Variants in SOX6 observed in about 807,000 individuals in gnomAD.
SOX6 encodes transcription factor SOX-6.
Under a neutral mutation model 97.8 loss-of-function variants are expected in SOX6, and 11 were observed. The observed-to-expected ratio is 0.11, with a 90% CI of 0.07 to 0.19. SOX6 has a LOEUF of 0.19. SOX6 is among the 10% of genes least tolerant of loss of function. The pLI is 1.00. For synonymous variants in SOX6, 360 were observed against 371.4 expected (o/e 0.97, Z 0.35); for missense variants, 810 against 1,039.5 (o/e 0.78, Z 3.04).
At chr11:16,293,371 T>C (rs1350705569) in intron 3 of SOX6, among the ~76,000 whole-genome samples, 1 of 152,188 alleles carries the variant, frequency 6.6e-6, no homozygotes, top group Non-Finnish European at 1.5e-5. Context: ...AGAAAAGGCT[T>C]TGTTATTTAT....
intron 1 of SOX6, among the ~76,000 whole-genome samples, chr11:16,460,909 C>T (rs1158837057): frequency 6.6e-6 from 1 of 152,162 alleles, no homozygotes; most frequent in Non-Finnish European, 1.5e-5. Context: ...GCCCTGCCTA[C>T]ACACTTTAGG....
chr11:16,202,399 C>T (rs749153890), intron 4 of SOX6, among the ~76,000 whole-genome samples: 1 of 152,058 alleles, frequency 6.6e-6, no homozygotes, highest in Admixed American at 6.5e-5. Flanking sequence ...GAAAACTCAA[C>T]CAAATTTCTG....
intron 6 of SOX6, among the ~76,000 whole-genome samples, chr11:16,140,784 T>C (rs1356160811): frequency 6.6e-6 from 1 of 152,246 alleles, no homozygotes; most frequent in African/African-American, 2.4e-5. Flanking sequence ...GCCTTCAGTG[T>C]TATGTTCTGC....
chr11:16,474,569 A>T (rs1860201757), intron 1 of SOX6, among the ~76,000 whole-genome samples: 2 of 152,184 alleles, frequency 1.3e-5, no homozygotes, highest in African/African-American at 4.8e-5. Flanking sequence ...GAGAAATAAC[A>T]TCTCTAAGGG....
At chr11:16,074,656 G>A (rs907548700) in intron 9 of SOX6, among the ~76,000 whole-genome samples, 14 of 152,142 alleles carry the variant, frequency 9.2e-5, no homozygotes, top group Admixed American at 7.2e-4. Flanking sequence ...ACTAACCAGG[G>A]AGGGGGAAGA....
At chr11:16,368,297 C>T (rs187510821) in intron 1 of SOX6, among the ~76,000 whole-genome samples, 39 of 152,238 alleles carry the variant, frequency 2.6e-4, no homozygotes, top group African/African-American at 7.2e-4. Flanking sequence ...GCCTAGCCAA[C>T]ATAGTAAAAC....
intron 3 of SOX6, among the ~76,000 whole-genome samples, chr11:16,712,840 A>T (rs1848191796): frequency 6.6e-6 from 1 of 152,224 alleles, no homozygotes; most frequent in African/African-American, 2.4e-5. Context: ...AATTAGTTCA[A>T]TTATTTATAC....
At position 16,501,446 on chromosome 11, in the gene SOX6, C is replaced by T. The variant is rs1860707730; in HGVS notation, n.610-25058G>A. ...CACCAAATGCAATGGCAACAAAAGCCAAAATTGACAAATGGGATCTAATTA... is the reference window on the plus strand; with the variant it reads ...CACCAAATGCAATGGCAACAAAAGCTAAAATTGACAAATGGGATCTAATTA... On this transcript the variant is annotated intron_variant and non_coding_transcript_variant, in intron 4 of 5. Coordinates refer to the SOX6 transcript ENST00000524520. 3.3e-5 allele frequency among the ~76,000 whole-genome samples: 5 copies of T among 152,074 alleles called. No homozygotes were observed. The South Asian group carries it at 1.0e-3, about 32-fold the overall frequency.
chr11:16,162,799 T>C (rs1850786556), intron 6 of SOX6, among the ~76,000 whole-genome samples: 2 of 152,156 alleles, frequency 1.3e-5, no homozygotes, highest in African/African-American at 4.8e-5. Flanking sequence ...TTGGTTTTCT[T>C]AAGTGTAAAA....
At chr11:16,446,040 CA>C (rs1565148601) in intron 1 of SOX6, among the ~76,000 whole-genome samples, 1 of 151,878 alleles carries the variant, frequency 6.6e-6, no homozygotes, top group Non-Finnish European at 1.5e-5. Context: ...GACAGAGATG[CA>C]AAAAGGCAGA....
chr11:16,692,084 TGTGTGC>T (rs937984017), intron 3 of SOX6, among the ~76,000 whole-genome samples: 22 of 127,870 alleles, frequency 1.7e-4, no homozygotes, highest in African/African-American at 4.2e-4. Flanking sequence ...TGTGTGTGTG[TGTGTGC>T]GCGCGCGCGC....
intron 4 of SOX6, among the ~76,000 whole-genome samples, chr11:16,602,671 T>G (rs1031501651): frequency 1.2e-4 from 19 of 152,174 alleles, no homozygotes; most frequent in African/African-American, 4.6e-4. Context: ...CAAATGCAAC[T>G]TAATAAACCG....
At chr11:16,313,758 C>T (rs1855677428) in intron 3 of SOX6, 1 of 148,250 alleles carries the variant, frequency 6.7e-6, no homozygotes. Context: ...TCTCATTGCT[C>T]CCATGTCCAA....
intron 9 of SOX6, among the ~76,000 whole-genome samples, chr11:16,089,765 G>A (rs1055787939): frequency 4.6e-5 from 7 of 151,948 alleles, no homozygotes; most frequent in Non-Finnish European, 8.8e-5. Context: ...TTAAAATATC[G>A]TAAAAAATGT....
At chr11:16,471,090 TG>T (rs1280133049) in intron 1 of SOX6, among the ~76,000 whole-genome samples, 3 of 151,876 alleles carry the variant, frequency 2.0e-5, no homozygotes, top group African/African-American at 4.8e-5. Context: ...ATTTTTTTTT[TG>T]TTTTTTTTTT....
intron 4 of SOX6, among the ~76,000 whole-genome samples, chr11:16,501,832 G>C (rs1475375545): frequency 6.6e-6 from 1 of 152,202 alleles, no homozygotes; most frequent in Non-Finnish European, 1.5e-5. Flanking sequence ...GAGAGGATGT[G>C]CAGAAATAGA....
At chr11:16,141,244 A>G (rs1243289365) in intron 6 of SOX6, among the ~76,000 whole-genome samples, 1 of 152,132 alleles carries the variant, frequency 6.6e-6, no homozygotes, top group Non-Finnish European at 1.5e-5. Context: ...TATCATGAGG[A>G]TGTAGTATTT....
chr11:16,492,207 CATCT>C (rs779716120), intron 4 of SOX6, among the ~76,000 whole-genome samples: 1 of 152,148 alleles, frequency 6.6e-6, no homozygotes, highest in Non-Finnish European at 1.5e-5. Flanking sequence ...GAGTAAAAGG[CATCT>C]TTTAGTGTGG....
intron 2 of SOX6, among the ~76,000 whole-genome samples, chr11:16,716,168 G>C (rs746563193): frequency 1.3e-5 from 2 of 152,176 alleles, no homozygotes; most frequent in African/African-American, 4.8e-5. Context: ...CCTAGGAAGC[G>C]GAGGTCGCAG....
Sources: allele counts gnomAD v4.1 joint callset (sites outside exome capture counted in the v4.1 genomes callset), GRCh38; gene constraint gnomAD v4.1.1; transcripts MANE v1.5; gene names NCBI Gene and HGNC (gene_info 2026-07-23, HGNC 2026-07-21).